HEMK2: variants seen among roughly 807,000 people sequenced by gnomAD.
HEMK2 encodes methyltransferase HEMK2.
chr21:28,601,599 C>A, the HEMK2 span, among the ~76,000 whole-genome samples: 1 of 133,530 alleles, frequency 7.5e-6, no homozygotes, highest in Non-Finnish European at 1.6e-5. Context: ...TAGTCACCTT[C>A]TGACATCTCT....
At chr21:28,694,899 GAGGC>G in the HEMK2 span, among the ~76,000 whole-genome samples, 5 of 151,962 alleles carry the variant, frequency 3.3e-5, no homozygotes, top group Admixed American at 2.0e-4. Context: ...TCAGGAGGCT[GAGGC>G]AGGAGAATGG....
chr21:28,877,860 T>C, the HEMK2 span, among the ~76,000 whole-genome samples: 1 of 152,254 alleles, frequency 6.6e-6, no homozygotes, highest in Admixed American at 6.5e-5. Context: ...ACAGCACAAT[T>C]GTCAAGGGCA....
chr21:28,627,336 G>T, the HEMK2 span, among the ~76,000 whole-genome samples: 247 of 152,242 alleles, frequency 1.6e-3, 1 homozygote, highest in Admixed American at 9.8e-3. Context: ...CACTGAAAAT[G>T]GGTGCATTTT....
the HEMK2 span, chr21:28,885,350 C>A: frequency 1.9e-5 from 29 of 1,553,236 alleles, no homozygotes; most frequent in Admixed American, 5.3e-4. Flanking sequence ...TGCCATAGTC[C>A]TTCGCTGCGT....
the HEMK2 span, among the ~76,000 whole-genome samples, chr21:28,622,964 A>G: frequency 6.6e-6 from 1 of 152,230 alleles, no homozygotes; most frequent in Non-Finnish European, 1.5e-5. Flanking sequence ...CAACGGCAAC[A>G]AAAGTCAAAA....
chr21:28,648,276 C>G, the HEMK2 span, among the ~76,000 whole-genome samples: 10 of 152,224 alleles, frequency 6.6e-5, no homozygotes, highest in Admixed American at 6.5e-4. Flanking sequence ...CCACTTTCCA[C>G]TGGAAAAATC....
chr21:28,713,602 T>C, the HEMK2 span, among the ~76,000 whole-genome samples: 4 of 152,104 alleles, frequency 2.6e-5, no homozygotes, highest in Non-Finnish European at 5.9e-5. Flanking sequence ...CTCCCATTCC[T>C]CCTTTGCATC....
the HEMK2 span, among the ~76,000 whole-genome samples, chr21:28,767,523 T>C: frequency 1.3e-5 from 2 of 151,814 alleles, no homozygotes; most frequent in Admixed American, 6.6e-5. Flanking sequence ...TATAAACCTA[T>C]CTGATAAAGG....
chr21:28,736,789 C>T, the HEMK2 span, among the ~76,000 whole-genome samples: 1 of 113,658 alleles, frequency 8.8e-6, no homozygotes, highest in East Asian at 3.2e-4. Flanking sequence ...TATTTGGATA[C>T]AATTAAAAAA....
At chr21:28,583,525 G>A in the HEMK2 span, among the ~76,000 whole-genome samples, 1 of 152,294 alleles carries the variant, frequency 6.6e-6, no homozygotes, top group South Asian at 2.1e-4. Context: ...TTGAAATAGG[G>A]CTACGTCATC....
At chr21:28,735,174 A>C in the HEMK2 span, among the ~76,000 whole-genome samples, 1 of 152,196 alleles carries the variant, frequency 6.6e-6, no homozygotes, top group African/African-American at 2.4e-5. Flanking sequence ...GCTGCATAAC[A>C]ATTTCTACAA....
the HEMK2 span, among the ~76,000 whole-genome samples, chr21:28,721,500 A>G: frequency 6.6e-6 from 1 of 152,064 alleles, no homozygotes; most frequent in African/African-American, 2.4e-5. Context: ...TCTTTTTTTA[A>G]CCTTTTTTAA....
chr21:28,848,721 T>A, the HEMK2 span, among the ~76,000 whole-genome samples: 12 of 152,230 alleles, frequency 7.9e-5, no homozygotes, highest in African/African-American at 2.9e-4. Context: ...CAGATTATGT[T>A]TATAAAATTT....
chr21:28,786,358 C>G, the HEMK2 span, among the ~76,000 whole-genome samples: 1 of 152,292 alleles, frequency 6.6e-6, no homozygotes, highest in South Asian at 2.1e-4. Flanking sequence ...AAAACTTAAT[C>G]TAATACCCCA....
At chr21:28,792,815 TCTCA>T in the HEMK2 span, among the ~76,000 whole-genome samples, 5 of 152,290 alleles carry the variant, frequency 3.3e-5, no homozygotes, top group African/African-American at 1.2e-4. Flanking sequence ...TTCCTAGGGT[TCTCA>T]CTGTTTTTCA....
At chr21:28,814,543 A>G in the HEMK2 span, among the ~76,000 whole-genome samples, 1 of 151,962 alleles carries the variant, frequency 6.6e-6, no homozygotes, top group African/African-American at 2.4e-5. Context: ...CAAGAAAAAA[A>G]AAAAACCCCA....
At chr21:28,871,582 T>C in the HEMK2 span, among the ~76,000 whole-genome samples, 15 of 152,204 alleles carry the variant, frequency 9.9e-5, no homozygotes, top group African/African-American at 2.7e-4. Context: ...CTTTTAACTT[T>C]GTACTCAGCG....
chr21:28,663,509 A>G, the HEMK2 span, among the ~76,000 whole-genome samples: 1 of 152,260 alleles, frequency 6.6e-6, no homozygotes, highest in African/African-American at 2.4e-5. Flanking sequence ...GCAGTGCAGC[A>G]TGTGGACAAA....
the HEMK2 span, among the ~76,000 whole-genome samples, chr21:28,787,526 C>T: frequency 1.3e-5 from 2 of 151,724 alleles, no homozygotes; most frequent in East Asian, 1.9e-4. Context: ...AAAAAAAGAA[C>T]AATCCCATCA....
Sources: gnomAD v4.1 joint callset for allele counts (sites outside exome capture counted in the v4.1 genomes callset) on GRCh38, gnomAD v4.1.1 for gene constraint, MANE v1.5 for transcripts, NCBI Gene and HGNC (gene_info 2026-07-23, HGNC 2026-07-21) for gene names.